The following SF3B3 variants were observed in gnomAD, a reference collection of about 807,000 sequenced individuals.
The protein encoded by SF3B3 is splicing factor 3b subunit 3, also known as SAP 130.
SF3B3 carries 33 observed loss-of-function variants against 139.2 expected under a neutral mutation model. That is an observed-to-expected ratio of 0.24 (90% confidence interval 0.18 to 0.32). The LOEUF is 0.32. SF3B3 is among the 10% of genes least tolerant of loss of function. The pLI, the probability that SF3B3 is intolerant of heterozygous loss-of-function variation, is 1.00. For synonymous variants in SF3B3, 596 were observed against 563.6 expected, an observed-to-expected ratio of 1.06 and a Z score of -0.81; for missense variants, 818 against 1,509.4, an observed-to-expected ratio of 0.54 and a Z score of 7.59.
rs150050502 is a variant in SF3B3 at position 70,575,464 on chromosome 16, G to C, written c.*3651G>C. On this transcript the variant is annotated 3_prime_UTR_variant, in exon 26 of 26. Transcript: ENST00000302516. ...TCCACCCACCTTGGTCTCCCAAAGC[G>C]CTGGGATTACAGGCGTGAGCCACTG... is the stretch of plus-strand genomic sequence containing the variant. 1 of 152,412 alleles carries C rather than the reference G, an allele frequency of 6.6e-6. No individual in the cohort carries two copies. Among genetic ancestry groups the C allele is most frequent in the African/African-American group, 2.4e-5 (1 of 41,542 alleles). 9.4% of individuals were successfully genotyped at this position (152,412 alleles called of 1,614,324 possible).
rs2050583229 is a variant in SF3B3 at position 70,576,628 on chromosome 16, A to C, written c.*4815A>C. 6.6e-6 allele frequency: 1 copy of C among 152,228 alleles called. No individual in the cohort carries two copies. Among genetic ancestry groups the C allele is most frequent in the South Asian group, 2.1e-4 (1 of 4,828 alleles). 9.4% of individuals were successfully genotyped at this position (152,228 alleles called of 1,614,324 possible). On this transcript the variant is annotated 3_prime_UTR_variant, in exon 26 of 26. Transcript: ENST00000302516. ...GGGCCTCCAGCTGTTATGAGGACAC[A>C]CTGGGGAATCTCAGCTTTAGGGAGT...
At chr16:70,546,979 G>T (rs1272411277) in intron 10 of SF3B3, among the ~76,000 whole-genome samples, 2 of 151,850 alleles carry the variant, frequency 1.3e-5, no homozygotes, top group South Asian at 2.1e-4. Flanking sequence ...AGTGAGCCAA[G>T]ATCGCGCCAT....
At chr16:70,560,435 A>T (rs1310701015) in intron 15 of SF3B3, 34 bp from the exon 16 acceptor site, 1 of 1,607,226 alleles carries the variant, frequency 6.2e-7, no homozygotes, top group East Asian at 2.2e-5. Context: ...ATAAGCTTCC[A>T]TCAGGCTTCA....
chr16:70,553,003 C>T (rs190269764), intron 11 of SF3B3, among the ~76,000 whole-genome samples: 8 of 152,268 alleles, frequency 5.3e-5, no homozygotes, highest in South Asian at 4.2e-4. Context: ...CTCCGCCTCC[C>T]GGGTTCAGGC....
intron 24 of SF3B3, 109 bp from the exon 25 acceptor site, chr16:70,570,985 CG>C (rs2050523322): frequency 1.3e-6 from 1 of 760,766 alleles, no homozygotes; most frequent in Admixed American, 1.9e-5. Flanking sequence ...AGATATTTCC[CG>C]TGTGTTTGTG....
intron 22 of SF3B3, among the ~76,000 whole-genome samples, chr16:70,568,703 C>T (rs2050500369): frequency 6.6e-6 from 1 of 152,166 alleles, no homozygotes. Context: ...TCCCTCCTCC[C>T]TATTGAACGT....
At chr16:70,531,059 G>T in intron 4 of SF3B3, 142 bp downstream of exon 4, 1 of 692,396 alleles carries the variant, frequency 1.4e-6, no homozygotes, top group Non-Finnish European at 2.5e-6. Context: ...GAGGTCAGGA[G>T]ATCGAGACCA....
intron 7 of SF3B3, 33 bp from the exon 8 acceptor site, chr16:70,539,071 G>A (rs773753176): frequency 1.4e-6 from 2 of 1,481,092 alleles, no homozygotes; most frequent in African/African-American, 2.8e-5. Flanking sequence ...ACTTCACTTT[G>A]TTTGTACACC....
At chr16:70,543,415 GA>G (rs1177572581) in intron 9 of SF3B3, among the ~76,000 whole-genome samples, 13 of 104,700 alleles carry the variant, frequency 1.2e-4, no homozygotes, top group Admixed American at 2.2e-4. Flanking sequence ...TCTCAAAAAA[GA>G]AAAAAAAAAG....
chr16:70,571,867 C>A lies in SF3B3; in HGVS notation c.*54C>A. ...AGACTGTGTGTTTTGTTTCCCCCAC[C>A]ACCATCACTGCCACCTGGCTTCTGC... On this transcript the variant is annotated 3_prime_UTR_variant, in exon 26 of 26. Coordinates refer to ENST00000302516, the MANE Select transcript of SF3B3 (RefSeq NM_012426.5). 6.4e-7 allele frequency: 1 copy of A among 1,559,962 alleles called. No homozygotes were observed. Among genetic ancestry groups the A allele is most frequent in the South Asian group, 1.2e-5 (1 of 84,174 alleles).
rs2050576682 is a variant in SF3B3, at chr16:70,576,049, A to C, written c.*4236A>C. On this transcript the variant is annotated 3_prime_UTR_variant, in exon 26 of 26. Transcript: ENST00000302516. ...CCTAGGAAACAGACCCCATCTCTAC[A>C]AAAAATTCAAAAAGCCGGGCGTGAA... 6.6e-6 allele frequency: 1 copy of C among 151,814 alleles called. No individual in the cohort carries two copies. The highest frequency in any genetic ancestry group is 1.5e-5 in the Non-Finnish European group (1 of 68,000). 9.4% of individuals were successfully genotyped at this position (151,814 alleles called of 1,614,324 possible).
chr16:70,554,239 A>C, intron 11 of SF3B3: 1 of 457,438 alleles, frequency 2.2e-6, no homozygotes. Context: ...AATATTGAGG[A>C]AGCAGAGTAT....
At chr16:70,548,752 G>A (rs2050292653) in intron 11 of SF3B3, among the ~76,000 whole-genome samples, 1 of 152,220 alleles carries the variant, frequency 6.6e-6, no homozygotes, top group Admixed American at 6.5e-5. Context: ...TCATCTGTAA[G>A]AGGTATGATA....
At chr16:70,565,325 G>GT in intron 19 of SF3B3, 43 bp from the exon 20 acceptor site, 1 of 1,613,590 alleles carries the variant, frequency 6.2e-7, no homozygotes, top group Non-Finnish European at 8.5e-7. Flanking sequence ...AGCTCTCTGA[G>GT]TTTTGACTAA....
At chr16:70,538,273 C>T in intron 6 of SF3B3, 50 bp from the exon 7 acceptor site, 1 of 1,561,900 alleles carries the variant, frequency 6.4e-7, no homozygotes, top group South Asian at 1.1e-5. Flanking sequence ...AATTCCAGAA[C>T]TAAGAAGTAC....
intron 15 of SF3B3, chr16:70,560,247 G>T: frequency 3.1e-6 from 1 of 321,446 alleles, no homozygotes; most frequent in Admixed American, 4.7e-5. Context: ...TGAAAAATAA[G>T]TGTGTATTTA....
At chr16:70,541,256 A>C (rs1444697760) in intron 8 of SF3B3, among the ~76,000 whole-genome samples, 1 of 152,190 alleles carries the variant, frequency 6.6e-6, no homozygotes, top group Non-Finnish European at 1.5e-5. Flanking sequence ...AGAAATGTCT[A>C]TTCAAATCCC....
chr16:70,556,161 G>A lies in SF3B3; in HGVS notation c.1711-18G>A, dbSNP rs372064028. The A allele has an allele frequency of 3.7e-6, 6 of 1,614,060 alleles. No homozygotes were observed. The highest frequency in any genetic ancestry group is 5.1e-6 in the Non-Finnish European group (6 of 1,179,932). ...ATCCCTCTGTAGTTTTGACCTTGCT[G>A]TGTCTTTCCTCCTGTAGTCAGGACA... On this transcript the variant is annotated intron_variant, in intron 13 of 25. Coordinates refer to ENST00000302516, the MANE Select transcript of SF3B3 (RefSeq NM_012426.5).
intron 11 of SF3B3, among the ~76,000 whole-genome samples, chr16:70,549,170 G>A (rs1231270905): frequency 4.6e-5 from 7 of 152,226 alleles, no homozygotes; most frequent in Middle Eastern, 3.2e-3. Context: ...AGGAATGTGG[G>A]ATGGGTGAGT....
Sources: allele counts gnomAD v4.1 joint callset (sites outside exome capture counted in the v4.1 genomes callset), GRCh38; gene constraint gnomAD v4.1.1; transcripts MANE v1.5; gene names NCBI Gene and HGNC (gene_info 2026-07-23, HGNC 2026-07-21).